VASH1: variants seen among roughly 807,000 people sequenced by gnomAD.
VASH1 encodes the protein vasohibin 1.
A neutral mutation model predicts 35.0 loss-of-function variants in VASH1; 16 were observed. The observed-to-expected ratio is 0.46, with a 90% CI of 0.31 to 0.70. The LOEUF (loss-of-function observed/expected upper bound fraction) is 0.70. Ranked by LOEUF, VASH1 falls within the 30% of genes least tolerant of loss-of-function variation. VASH1 has a pLI of 0.05. For missense variants in VASH1, 505 were observed against 510.7 expected (o/e 0.99, Z 0.11); for synonymous variants, 214 against 200.9 (o/e 1.07, Z -0.55).
chr14:76,778,385 G>A (rs1894006093), intron 6 of VASH1, among the ~76,000 whole-genome samples: 1 of 152,170 alleles, frequency 6.6e-6, no homozygotes, highest in African/African-American at 2.4e-5. Context: ...GGGGGAGGGC[G>A]TGAATATTAG....
intron 5 of VASH1, 75 bp from the exon 6 acceptor site, chr14:76,777,884 T>G: frequency 8.6e-7 from 1 of 1,162,358 alleles, no homozygotes; most frequent in South Asian, 2.1e-5. Context: ...TCCAGGGACC[T>G]GTGGCTCCTG....
chr14:76,781,137 G>A lies in VASH1; in HGVS notation c.*2119G>A. 6.6e-6 allele frequency: 1 copy of A among 152,388 alleles called. No homozygotes were observed. Among genetic ancestry groups the A allele is most frequent in the Non-Finnish European group, 1.5e-5 (1 of 68,068 alleles). The allele number at this position is 152,388 out of a possible 1,614,324, so 9.4% of individuals were successfully genotyped here. ...CTGTCAGGGAAGGCGCCACAGGCTG[G>A]CAGCTCTTCAAACCAGCAGCGCTTG... On this transcript the variant is annotated 3_prime_UTR_variant, in exon 7 of 7. Transcript: ENST00000167106.
intron 4 of VASH1, chr14:76,773,796 A>T (rs976306616): frequency 1.0e-4 from 16 of 153,324 alleles, no homozygotes; most frequent in African/African-American, 3.6e-4. Flanking sequence ...ACAGCGGGAG[A>T]GGAGGAAGTG....
Position 76,779,136 on chromosome 14 carries a change from GA to G in VASH1, c.*120del. ...GACAAGGCAGGGCAAGAGGCTGCAG[GA>G]AGAGTGTGTTCCAGCTCAGCCCCCC... On this transcript the variant is annotated 3_prime_UTR_variant, in exon 7 of 7. Transcript: ENST00000167106. The G allele has an allele frequency of 2.6e-6, 3 of 1,157,938 alleles. No homozygotes were observed. The highest frequency in any genetic ancestry group is 3.8e-6 in the Non-Finnish European group (3 of 782,968). 71.7% of individuals were successfully genotyped at this position (1,157,938 alleles called of 1,614,324 possible).
intron 3 of VASH1, among the ~76,000 whole-genome samples, chr14:76,772,180 C>A (rs571012275): frequency 6.6e-6 from 1 of 152,142 alleles, no homozygotes; most frequent in Admixed American, 6.5e-5. Context: ...GCGGTGGTTA[C>A]AGTGAGCCGA....
At chr14:76,769,663 T>A (rs1468190267) in intron 1 of VASH1, among the ~76,000 whole-genome samples, 1 of 152,232 alleles carries the variant, frequency 6.6e-6, no homozygotes, top group Non-Finnish European at 1.5e-5. Flanking sequence ...AAATTTAAAA[T>A]AGTCAGTGAA....
rs964368775 is a variant in VASH1 at position 76,782,122 on chromosome 14, G to C, written c.*3104G>C. 1 of 152,272 alleles carries C rather than the reference G, an allele frequency of 6.6e-6. No individual in the cohort carries two copies. The highest frequency in any genetic ancestry group is 1.5e-5 in the Non-Finnish European group (1 of 68,098). 9.4% of individuals were successfully genotyped at this position (152,272 alleles called of 1,614,324 possible). A position where few individuals can be genotyped will look rare whatever the true frequency, so the allele number is the denominator to read the frequency against. On this transcript the variant is annotated 3_prime_UTR_variant, in exon 7 of 7. Transcript: ENST00000167106. ...CTGGCTCCTCATGCTCAGTGCCAGG[G>C]GCAGAACACTGGGGAGCCAGGTATA...
At chr14:76,769,586 G>A in intron 1 of VASH1, 1 of 867,000 alleles carries the variant, frequency 1.2e-6, no homozygotes, top group Non-Finnish European at 1.6e-6. Flanking sequence ...GCTTGAACCA[G>A]AGCAAACTTC....
chr14:76,765,948 T>G (rs1486605465), intron 1 of VASH1, among the ~76,000 whole-genome samples: 2 of 152,212 alleles, frequency 1.3e-5, no homozygotes, highest in Admixed American at 1.3e-4. Flanking sequence ...AAAGCTACCA[T>G]GTTCAAATCC....
In VASH1 at chr14:76,780,618, G is replaced by T. The variant is rs1275002401; in HGVS notation, c.*1600G>T. On this transcript the variant is annotated 3_prime_UTR_variant, in exon 7 of 7. Coordinates refer to ENST00000167106, the MANE Select transcript of VASH1 (RefSeq NM_014909.5). ...TGGCTACCTGAAGAGGGCACACCCT[G>T]TTAAAGGGGCCACAGCTGCTCAGCT... 2.0e-5 allele frequency: 3 copies of T among 152,250 alleles called. No individual in the cohort carries two copies. Among genetic ancestry groups the T allele is most frequent in the Non-Finnish European group, 1.5e-5 (1 of 68,064 alleles). 9.4% of individuals were successfully genotyped at this position (152,250 alleles called of 1,614,324 possible).
chr14:76,777,399 G>A (rs1297112664), intron 5 of VASH1, among the ~76,000 whole-genome samples: 1 of 152,236 alleles, frequency 6.6e-6, no homozygotes, highest in Non-Finnish European at 1.5e-5. Context: ...AGTGTTTAGA[G>A]CTGTGATGGA....
intron 2 of VASH1, 105 bp downstream of exon 2, chr14:76,770,156 C>T (rs561484729): frequency 2.0e-5 from 21 of 1,052,750 alleles, no homozygotes; most frequent in African/African-American, 1.6e-4. Context: ...CATTCCACAA[C>T]GCCAGGGCCA....
chr14:76,769,468 A>T (rs1225993809), intron 1 of VASH1: 1 of 1,288,928 alleles, frequency 7.8e-7, no homozygotes, highest in African/African-American at 1.5e-5. Context: ...TGCCCATGAT[A>T]CTGGGTGGGT....
Position 76,776,255 on chromosome 14 carries a change from C to T in VASH1, c.894C>T (p.Ala298=). Residue 298 remains alanine (A), a synonymous_variant, in exon 5 of 7, where the codon GCC becomes GCT. Transcript: ENST00000167106. ...DDFRKELERH[A]RDMRLKIGKG... ...TCCGCAAGGAGCTGGAGCGCCACGCCCGCGACATGCGGCTCAAGGTCTGCC... is the reference window on the plus strand; with the variant it reads ...TCCGCAAGGAGCTGGAGCGCCACGCTCGCGACATGCGGCTCAAGGTCTGCC... 1.3e-6 allele frequency: 2 copies of T among 1,596,466 alleles called. No homozygotes were observed. Among genetic ancestry groups the T allele is most frequent in the Non-Finnish European group, 1.7e-6 (2 of 1,174,176 alleles).
Position 76,779,728 on chromosome 14 carries a change from A to C in VASH1, c.*710A>C, listed in dbSNP as rs1894051789. The C allele has an allele frequency of 2.4e-5, 14 of 585,470 alleles. No homozygotes were observed. In the South Asian group the frequency reaches 3.0e-4, roughly 13 times the overall value. The allele number at this position is 585,470 out of a possible 1,614,324, so 36.3% of individuals were successfully genotyped here. A position where few individuals can be genotyped will look rare whatever the true frequency, so the allele number is the denominator to read the frequency against. On this transcript the variant is annotated 3_prime_UTR_variant, in exon 7 of 7. Transcript: ENST00000167106. ...AAGGACCTCTGGGCAAAAAGTTCCCAGGCCCTAACTGCGTCTACTTGCTCA... is the reference window on the plus strand; with the variant it reads ...AAGGACCTCTGGGCAAAAAGTTCCCCGGCCCTAACTGCGTCTACTTGCTCA...
chr14:76,778,753 C>T (rs763816643), intron 6 of VASH1, among the ~76,000 whole-genome samples, 193 bp from the exon 7 acceptor site: 100 of 152,198 alleles, frequency 6.6e-4, no homozygotes, highest in Non-Finnish European at 1.1e-3. Context: ...GAGAGCGAGC[C>T]GGGGCCACAT....
chr14:76,768,405 C>T (rs535384422), intron 1 of VASH1, among the ~76,000 whole-genome samples: 2 of 152,274 alleles, frequency 1.3e-5, no homozygotes, highest in East Asian at 1.9e-4. Context: ...GCAGCCAGTG[C>T]GGTTGCTAGG....
chr14:76,778,107 G>C (rs553863228), intron 6 of VASH1, 36 bp downstream of exon 6: 32 of 1,386,850 alleles, frequency 2.3e-5, no homozygotes, highest in Non-Finnish European at 2.9e-5. Flanking sequence ...GGTCCAAAGA[G>C]GGTTTTTTTC....
intron 1 of VASH1, 180 bp from the exon 2 acceptor site, chr14:76,769,782 TG>T: frequency 3.0e-6 from 2 of 673,970 alleles, no homozygotes; most frequent in Non-Finnish European, 5.0e-6. Context: ...ATGGCTGGGC[TG>T]GGGCCCTGGC....
Sources: allele counts gnomAD v4.1 joint callset (sites outside exome capture counted in the v4.1 genomes callset), GRCh38; gene constraint gnomAD v4.1.1; transcripts MANE v1.5; gene names NCBI Gene and HGNC (gene_info 2026-07-23, HGNC 2026-07-21).